Variants in LAMA4 observed in about 807,000 individuals in gnomAD.
The protein encoded by LAMA4 is laminin subunit alpha-4.
A neutral mutation model predicts 207.1 loss-of-function variants in LAMA4; 127 were observed. The observed-to-expected ratio is 0.61, with a 90% CI of 0.53 to 0.71. LAMA4 has a LOEUF of 0.71. LAMA4 is among the 30% of genes least tolerant of loss of function. The pLI, the probability that LAMA4 is intolerant of heterozygous loss-of-function variation, is 0.00. For missense variants in LAMA4, 2,093 were observed against 2,246.5 expected, an observed-to-expected ratio of 0.93 and a Z score of 1.38; for synonymous variants, 761 against 816.0, an observed-to-expected ratio of 0.93 and a Z score of 1.15.
chr6:112,199,685 AT>A (rs1369106784), intron 5 of LAMA4, among the ~76,000 whole-genome samples: 1 of 152,186 alleles, frequency 6.6e-6, no homozygotes, highest in Non-Finnish European at 1.5e-5. Context: ...TAGTGAAATA[AT>A]TATCCACATT....
At chr6:112,217,747 A>G (rs368836213) in intron 2 of LAMA4, 9 of 152,238 alleles carry the variant, frequency 5.9e-5, no homozygotes, top group African/African-American at 2.2e-4. Flanking sequence ...TTTCCAAGTT[A>G]GAGAAATAAG....
chr6:112,234,063 C>T (rs1372459464), intron 2 of LAMA4: 4 of 152,124 alleles, frequency 2.6e-5, no homozygotes, highest in Non-Finnish European at 5.9e-5. Context: ...GAGTCACTCT[C>T]ATGTGGCTTG....
At chr6:112,215,530 C>G (rs1784575283) in intron 3 of LAMA4, among the ~76,000 whole-genome samples, 1 of 151,962 alleles carries the variant, frequency 6.6e-6, no homozygotes, top group Non-Finnish European at 1.5e-5. Flanking sequence ...TGGAAAACCT[C>G]TTTTTGCCAG....
intron 12 of LAMA4, chr6:112,166,509 A>G (rs368100159): frequency 6.5e-6 from 1 of 153,116 alleles, no homozygotes; most frequent in African/African-American, 2.4e-5. Flanking sequence ...CTCTCACAGA[A>G]CTGTTTTCCT....
At chr6:112,144,989 A>C in intron 18 of LAMA4, 56 bp from the exon 19 acceptor site, 1 of 1,449,456 alleles carries the variant, frequency 6.9e-7, no homozygotes, top group Admixed American at 1.8e-5. Context: ...ATATTTCAAG[A>C]ATCAGATGTA....
At chr6:112,142,093 C>A (rs782142767) in intron 20 of LAMA4, 26 bp downstream of exon 20, 1 of 1,612,630 alleles carries the variant, frequency 6.2e-7, no homozygotes, top group South Asian at 1.1e-5. Flanking sequence ...AAATATTATT[C>A]CCTCCTTTCA....
intron 2 of LAMA4, among the ~76,000 whole-genome samples, chr6:112,232,860 C>T (rs574350644): frequency 6.6e-6 from 1 of 152,254 alleles, no homozygotes; most frequent in East Asian, 1.9e-4. Flanking sequence ...ATTCTGTTAT[C>T]TGTCATTTGA....
chr6:112,245,954 A>G (rs1279727904), intron 2 of LAMA4, among the ~76,000 whole-genome samples: 2 of 152,186 alleles, frequency 1.3e-5, no homozygotes, highest in Non-Finnish European at 2.9e-5. Flanking sequence ...AAATTTTCCC[A>G]TTACCATTCA....
intron 2 of LAMA4, among the ~76,000 whole-genome samples, chr6:112,247,453 T>TA (rs1480109783): frequency 1.3e-5 from 2 of 152,056 alleles, no homozygotes; most frequent in Admixed American, 6.6e-5. Flanking sequence ...TACAGGGCAT[T>TA]AAAAAAAATT....
intron 2 of LAMA4, 80 bp downstream of exon 2, chr6:112,253,876 G>A: frequency 6.2e-7 from 1 of 1,614,190 alleles, no homozygotes; most frequent in East Asian, 2.2e-5. Context: ...AAGAGGCGGA[G>A]AGAGAGAGAA....
chr6:112,129,072 C>T lies in LAMA4; in HGVS notation c.4137G>A (p.Val1379=), dbSNP rs1554328667. ...AATCTTCAACCTCCACATCTCTATC[C>T]ACCCTGTGTTTGTAACAGAGGAAAA... is the stretch of plus-strand genomic sequence containing the variant. The part of the protein sequence containing the change: ...GCISNAYFTR[V]DRDVEVEDFQ... Residue 1379 remains valine, a synonymous_variant, in exon 31 of 39, where the codon GTG becomes GTA. Coordinates refer to ENST00000230538, the MANE Select transcript of LAMA4 (RefSeq NM_001105206.3). The T allele has an allele frequency of 1.9e-6, 3 of 1,610,506 alleles. No individual in the cohort carries two copies. The highest frequency in any genetic ancestry group is 2.5e-6 in the Non-Finnish European group (3 of 1,176,918).
chr6:112,200,959 C>T (rs1783711220), intron 5 of LAMA4, among the ~76,000 whole-genome samples: 1 of 151,504 alleles, frequency 6.6e-6, no homozygotes, highest in Non-Finnish European at 1.5e-5. Context: ...TGCAGCAAAC[C>T]ACCATGGCAC....
intron 38 of LAMA4, among the ~76,000 whole-genome samples, chr6:112,111,891 GCAAA>G (rs1300373835): frequency 1.3e-5 from 2 of 152,184 alleles, no homozygotes; most frequent in Non-Finnish European, 2.9e-5. Context: ...GACTGTGAAA[GCAAA>G]CAAACAAACA....
At chr6:112,191,419 T>C (rs1452311905) in intron 6 of LAMA4, among the ~76,000 whole-genome samples, 1 of 152,194 alleles carries the variant, frequency 6.6e-6, no homozygotes, top group East Asian at 1.9e-4. Flanking sequence ...TGTCTCCTAG[T>C]TTATTCCACC....
At chr6:112,162,431 C>A (rs1781111181) in intron 13 of LAMA4, among the ~76,000 whole-genome samples, 1 of 152,022 alleles carries the variant, frequency 6.6e-6, no homozygotes, top group African/African-American at 2.4e-5. Flanking sequence ...GAGATCACTC[C>A]ATTGCACTCC....
intron 32 of LAMA4, among the ~76,000 whole-genome samples, chr6:112,120,811 A>G (rs587686850): frequency 6.6e-6 from 1 of 152,252 alleles, no homozygotes; most frequent in South Asian, 2.1e-4. Flanking sequence ...TGGGAGGATC[A>G]CTTGAGCCTG....
intron 2 of LAMA4, among the ~76,000 whole-genome samples, chr6:112,235,431 G>A (rs28360620): frequency 0.13 from 19,462 of 152,184 alleles, 1,592 homozygotes; most frequent in Middle Eastern, 0.23. Context: ...TATAAATCAG[G>A]TTGACAAGGT....
chr6:112,142,391 T>G, intron 19 of LAMA4, 99 bp from the exon 20 acceptor site: 1 of 1,025,484 alleles, frequency 9.8e-7, no homozygotes, highest in African/African-American at 1.6e-5. Context: ...ATAAACTCTC[T>G]TCACCTCCAT....
chr6:112,112,536 T>C (rs193302537), intron 38 of LAMA4, among the ~76,000 whole-genome samples: 10 of 152,340 alleles, frequency 6.6e-5, no homozygotes, highest in Admixed American at 4.6e-4. Flanking sequence ...TATGCACTCA[T>C]GTGAGACTTT....
Sources: allele counts gnomAD v4.1 joint callset (sites outside exome capture counted in the v4.1 genomes callset), GRCh38; gene constraint gnomAD v4.1.1; transcripts MANE v1.5; gene names NCBI Gene and HGNC (gene_info 2026-07-23, HGNC 2026-07-21).